Variants in UNC13C observed in about 807,000 individuals in gnomAD.
UNC13C encodes the protein protein unc-13 homolog C.
A neutral mutation model predicts 245.4 loss-of-function variants in UNC13C; 174 were observed. That is an observed-to-expected ratio of 0.71 (90% CI 0.63 to 0.80). The LOEUF (loss-of-function observed/expected upper bound fraction) is 0.80. Ranked by LOEUF, UNC13C falls within the 30% of genes least tolerant of loss-of-function variation. The pLI, the probability that UNC13C is intolerant of heterozygous loss-of-function variation, is 0.00. For missense variants in UNC13C, 2,829 were observed against 2,602.9 expected (o/e 1.09, Z -1.89); for synonymous variants, 992 against 895.1 (o/e 1.11, Z -1.93).
At chr15:54,007,814 C>G (rs531454556) in intron 1 of UNC13C, among the ~76,000 whole-genome samples, 2 of 152,174 alleles carry the variant, frequency 1.3e-5, no homozygotes, top group African/African-American at 4.8e-5. Flanking sequence ...ATACCAAAGA[C>G]AGGAATACAG....
chr15:54,559,047 G>T (rs1270091745), intron 29 of UNC13C, among the ~76,000 whole-genome samples: 1 of 151,816 alleles, frequency 6.6e-6, no homozygotes, highest in Non-Finnish European at 1.5e-5. Context: ...CTGTTATATG[G>T]GCCTGAACAT....
intron 28 of UNC13C, among the ~76,000 whole-genome samples, chr15:54,553,010 T>G (rs1181793572): frequency 9.7e-6 from 1 of 102,976 alleles, no homozygotes; most frequent in South Asian, 3.1e-4. Flanking sequence ...ATATAATATA[T>G]ATTGTATTCT....
chr15:54,148,491 T>C (rs1272881114), intron 4 of UNC13C, among the ~76,000 whole-genome samples: 1 of 152,212 alleles, frequency 6.6e-6, no homozygotes, highest in Non-Finnish European at 1.5e-5. Flanking sequence ...TTTATTTGTC[T>C]ATAAAGTTGA....
intron 3 of UNC13C, 66 bp from the exon 4 acceptor site, chr15:54,143,554 G>T (rs532307400): frequency 7.4e-7 from 1 of 1,351,266 alleles, no homozygotes; most frequent in Admixed American, 1.8e-5. Flanking sequence ...TCCCGATTTC[G>T]TGTACATAAA....
chr15:54,501,057 C>A, intron 22 of UNC13C, 79 bp downstream of exon 22: 1 of 1,430,070 alleles, frequency 7.0e-7, no homozygotes, highest in South Asian at 1.3e-5. Flanking sequence ...TGGTGTTAGT[C>A]TTCTCTGTCA....
At chr15:54,408,722 G>T (rs1368108779) in intron 18 of UNC13C, among the ~76,000 whole-genome samples, 1 of 152,056 alleles carries the variant, frequency 6.6e-6, no homozygotes, top group Non-Finnish European at 1.5e-5. Flanking sequence ...TCAGTAGTTT[G>T]GTGTGTTTTC....
intron 2 of UNC13C, among the ~76,000 whole-genome samples, chr15:54,106,025 G>C (rs1900428047): frequency 6.6e-6 from 1 of 152,188 alleles, no homozygotes; most frequent in Admixed American, 6.5e-5. Context: ...GAGTTTGAAA[G>C]ACAGTGACTC....
intron 10 of UNC13C, among the ~76,000 whole-genome samples, chr15:54,292,833 A>T (rs2037332659): frequency 6.7e-6 from 1 of 150,204 alleles, no homozygotes; most frequent in Non-Finnish European, 1.5e-5. Context: ...AATTGAAAAT[A>T]TAAAGATGAT....
intron 15 of UNC13C, among the ~76,000 whole-genome samples, chr15:54,333,063 C>G (rs1270661936): frequency 6.6e-6 from 1 of 151,948 alleles, no homozygotes; most frequent in Non-Finnish European, 1.5e-5. Flanking sequence ...GGCACACTAA[C>G]CCTGTTCAAG....
chr15:54,325,869 A>T (rs936611213), intron 14 of UNC13C, among the ~76,000 whole-genome samples: 6 of 152,002 alleles, frequency 3.9e-5, no homozygotes, highest in Non-Finnish European at 8.8e-5. Context: ...ATAAAAAGAG[A>T]CTTTATTTTT....
intron 30 of UNC13C, among the ~76,000 whole-genome samples, chr15:54,589,686 T>G (rs1898681730): frequency 1.3e-5 from 2 of 148,872 alleles, no homozygotes; most frequent in Admixed American, 6.6e-5. Flanking sequence ...TGATTTGAGT[T>G]TGTTGTAGAT....
chr15:53,918,679 G>A, the UNC13C span, among the ~76,000 whole-genome samples: 1 of 152,140 alleles, frequency 6.6e-6, no homozygotes, highest in African/African-American at 2.4e-5. Flanking sequence ...GTGACTGCTG[G>A]GTCCCACAGG....
At chr15:53,900,999 A>G in the UNC13C span, among the ~76,000 whole-genome samples, 4 of 152,166 alleles carry the variant, frequency 2.6e-5, no homozygotes, top group Non-Finnish European at 4.4e-5. Context: ...TTCTCATAAC[A>G]AAAGTAACAT....
At chr15:54,498,999 T>A (rs1199766498) in intron 20 of UNC13C, among the ~76,000 whole-genome samples, 2 of 152,162 alleles carry the variant, frequency 1.3e-5, no homozygotes, top group African/African-American at 4.8e-5. Flanking sequence ...GAGAGTGTCA[T>A]GTTAATGCAT....
At chr15:54,074,708 T>C (rs1317915130) in intron 2 of UNC13C, among the ~76,000 whole-genome samples, 1 of 152,190 alleles carries the variant, frequency 6.6e-6, no homozygotes, top group Admixed American at 6.5e-5. Flanking sequence ...ATGCTTGTGA[T>C]TTTTGCACAT....
Position 54,110,020 on chromosome 15 carries a change from G to A in UNC13C, c.2984-32998G>A, listed in dbSNP as rs543473697. ...TGGCCGGGTGTGGTGGCTCATGCCT[G>A]TAATCCCAGCACTTTGGAAGGCTGA... On this transcript the variant is annotated intron_variant, in intron 2 of 32. Coordinates refer to ENST00000260323, the MANE Select transcript of UNC13C (RefSeq NM_001080534.3). 6.6e-5 allele frequency among the ~76,000 whole-genome samples: 10 copies of A among 152,254 alleles called. No individual in the cohort carries two copies. The South Asian group carries it at 2.1e-3, about 32-fold the overall frequency.
At chr15:54,440,214 C>T (rs889840970) in intron 19 of UNC13C, among the ~76,000 whole-genome samples, 1 of 152,028 alleles carries the variant, frequency 6.6e-6, no homozygotes, top group Admixed American at 6.6e-5. Context: ...GGTGCTCCCC[C>T]TTCACCCTCC....
At chr15:53,963,570 A>C in the UNC13C span, among the ~76,000 whole-genome samples, 22,405 of 152,130 alleles carry the variant, frequency 0.15, 2,111 homozygotes, top group East Asian at 0.31. Flanking sequence ...ACAGGGTGAA[A>C]TTCTGATAAG....
At chr15:54,143,301 T>G (rs2032108867) in intron 3 of UNC13C, among the ~76,000 whole-genome samples, 1 of 152,236 alleles carries the variant, frequency 6.6e-6, no homozygotes, top group Non-Finnish European at 1.5e-5. Flanking sequence ...CATCTTTTCT[T>G]AAGTCTGGCT....
Sources: allele counts gnomAD v4.1 joint callset (sites outside exome capture counted in the v4.1 genomes callset), GRCh38; gene constraint gnomAD v4.1.1; transcripts MANE v1.5; gene names NCBI Gene and HGNC (gene_info 2026-07-23, HGNC 2026-07-21).